MBOAT2: variants seen among roughly 807,000 people sequenced by gnomAD.
MBOAT2 encodes membrane bound glycerophospholipid O-acyltransferase 2, also known as membrane-bound glycerophospholipid O-acyltransferase 2.
Under a neutral mutation model 63.4 loss-of-function variants are expected in MBOAT2, and 28 were observed. That is an observed-to-expected ratio of 0.44 (90% CI 0.33 to 0.61). The LOEUF (loss-of-function observed/expected upper bound fraction) is 0.61. MBOAT2 is among the 20% of genes least tolerant of loss of function. MBOAT2 has a pLI of 0.03. For synonymous variants in MBOAT2, 211 were observed against 215.6 expected (o/e 0.98, Z 0.19); for missense variants, 470 against 605.8 (o/e 0.78, Z 2.35).
At chr2:8,883,027 CATCT>C (rs1446359642) in intron 5 of MBOAT2, among the ~76,000 whole-genome samples, 13 of 152,044 alleles carry the variant, frequency 8.6e-5, no homozygotes, top group African/African-American at 2.9e-4. Flanking sequence ...CATCTTCATC[CATCT>C]ATTTACGTTT....
intron 6 of MBOAT2, among the ~76,000 whole-genome samples, chr2:8,877,775 G>C (rs1662803041): frequency 1.3e-5 from 2 of 152,216 alleles, no homozygotes; most frequent in African/African-American, 4.8e-5. Context: ...GAAGAAGTGA[G>C]AGGAGTTGTG....
chr2:8,943,145 A>C, intron 3 of MBOAT2, 42 bp downstream of exon 3: 1 of 1,159,044 alleles, frequency 8.6e-7, no homozygotes, highest in Non-Finnish European at 1.2e-6. Context: ...AGTTCTATTC[A>C]AGTGAAATAT....
At chr2:8,890,956 T>C (rs1663948970) in intron 4 of MBOAT2, among the ~76,000 whole-genome samples, 1 of 152,272 alleles carries the variant, frequency 6.6e-6, no homozygotes, top group Admixed American at 6.5e-5. Context: ...TTATATATTG[T>C]AATGATTTGT....
At chr2:8,869,906 C>T (rs1662187910) in intron 8 of MBOAT2, among the ~76,000 whole-genome samples, 1 of 152,114 alleles carries the variant, frequency 6.6e-6, no homozygotes, top group Admixed American at 6.6e-5. Flanking sequence ...CAATGAAACT[C>T]CTAACCAACT....
chr2:8,904,087 G>A (rs996408473), intron 4 of MBOAT2, among the ~76,000 whole-genome samples: 3 of 151,414 alleles, frequency 2.0e-5, no homozygotes, highest in South Asian at 2.1e-4. Flanking sequence ...AGTGATTCTC[G>A]TGCCTCAGCC....
At chr2:8,874,711 A>G (rs1450900043) in intron 7 of MBOAT2, among the ~76,000 whole-genome samples, 2 of 152,194 alleles carry the variant, frequency 1.3e-5, no homozygotes, top group Non-Finnish European at 2.9e-5. Context: ...AAAAAACCAA[A>G]GAGCCCCAGA....
At chr2:8,996,135 C>G (rs1041413155) in intron 1 of MBOAT2, among the ~76,000 whole-genome samples, 1 of 152,160 alleles carries the variant, frequency 6.6e-6, no homozygotes, top group African/African-American at 2.4e-5. Context: ...CGCAATGGCT[C>G]GGCAGCTGGA....
chr2:8,908,836 T>C, intron 3 of MBOAT2, 120 bp from the exon 4 acceptor site: 1 of 603,660 alleles, frequency 1.7e-6, no homozygotes, highest in East Asian at 2.9e-5. Context: ...CTAGATCTAC[T>C]CTACAAACAC....
intron 9 of MBOAT2, among the ~76,000 whole-genome samples, chr2:8,866,405 G>A (rs1208747065): frequency 1.3e-5 from 2 of 152,100 alleles, no homozygotes; most frequent in East Asian, 3.9e-4. Context: ...AAACAAAGGT[G>A]AGAAACACTG....
At chr2:8,923,909 G>A (rs563660915) in intron 3 of MBOAT2, among the ~76,000 whole-genome samples, 2 of 152,226 alleles carry the variant, frequency 1.3e-5, no homozygotes, top group South Asian at 4.1e-4. Context: ...TAGCTGGCAG[G>A]TGCATCAATT....
At chr2:8,978,376 G>A (rs1055394918) in intron 1 of MBOAT2, among the ~76,000 whole-genome samples, 1 of 152,042 alleles carries the variant, frequency 6.6e-6, no homozygotes, top group Non-Finnish European at 1.5e-5. Context: ...ACTTGTCATG[G>A]ACCCCATGTT....
intron 1 of MBOAT2, among the ~76,000 whole-genome samples, chr2:8,973,551 C>T (rs1320664930): frequency 7.6e-6 from 1 of 131,806 alleles, no homozygotes; most frequent in Non-Finnish European, 1.5e-5. Flanking sequence ...GTAACTCAAG[C>T]TAAAAAAAAA....
At chr2:8,926,352 G>C (rs184786731) in intron 3 of MBOAT2, among the ~76,000 whole-genome samples, 23 of 152,288 alleles carry the variant, frequency 1.5e-4, no homozygotes, top group African/African-American at 5.3e-4. Context: ...AATATGTGAA[G>C]TATACAAGAT....
intron 2 of MBOAT2, among the ~76,000 whole-genome samples, chr2:8,944,926 A>G (rs1453479630): frequency 2.6e-5 from 4 of 152,222 alleles, no homozygotes; most frequent in African/African-American, 7.2e-5. Flanking sequence ...AACTGCGAGG[A>G]GAACTCAATA....
intron 1 of MBOAT2, among the ~76,000 whole-genome samples, chr2:8,962,409 T>C (rs1025772173): frequency 2.0e-5 from 3 of 152,198 alleles, no homozygotes; most frequent in Non-Finnish European, 4.4e-5. Flanking sequence ...AGACAGAGGA[T>C]GTATTTCCTA....
chr2:8,892,517 C>T (rs1249291040), intron 4 of MBOAT2, among the ~76,000 whole-genome samples: 3 of 152,128 alleles, frequency 2.0e-5, no homozygotes, highest in Non-Finnish European at 2.9e-5. Context: ...AAGTACTGTT[C>T]TATGTGCCAA....
intron 1 of MBOAT2, among the ~76,000 whole-genome samples, chr2:8,978,806 G>A (rs1196389064): frequency 2.6e-5 from 4 of 151,784 alleles, no homozygotes; most frequent in Non-Finnish European, 4.4e-5. Context: ...TTCTGCACTT[G>A]TATCCCAGAA....
chr2:8,988,452 TTAAA>T (rs1257215931), intron 1 of MBOAT2, among the ~76,000 whole-genome samples: 23 of 152,226 alleles, frequency 1.5e-4, no homozygotes, highest in African/African-American at 5.5e-4. Context: ...TTGTATCAGT[TTAAA>T]TATGTTTTAT....
chr2:8,883,376 A>G (rs967666946), intron 5 of MBOAT2, among the ~76,000 whole-genome samples: 2 of 152,192 alleles, frequency 1.3e-5, no homozygotes. Flanking sequence ...TTACATGTAC[A>G]TTAAAAGAGC....
Sources: allele counts gnomAD v4.1 joint callset (sites outside exome capture counted in the v4.1 genomes callset), GRCh38; gene constraint gnomAD v4.1.1; transcripts MANE v1.5; gene names NCBI Gene and HGNC (gene_info 2026-07-23, HGNC 2026-07-21).